The following ATRX variants were observed in gnomAD, a reference collection of about 807,000 sequenced individuals.
The protein encoded by ATRX is ATRX chromatin remodeler.
A neutral mutation model predicts 172.6 loss-of-function variants in ATRX; 12 were observed. That is an observed-to-expected ratio of 0.07 (90% CI 0.04 to 0.11). ATRX has a LOEUF of 0.11. Ranked by LOEUF, ATRX falls within the 10% of genes least tolerant of loss-of-function variation. The probability of loss-of-function intolerance (pLI) is 1.00; values close to 1 mark genes in which losing one functional copy is unlikely to be tolerated. For missense variants in ATRX, 1,368 were observed against 1,767.4 expected, an observed-to-expected ratio of 0.77 and a Z score of 4.05; for synonymous variants, 674 against 594.7, an observed-to-expected ratio of 1.13 and a Z score of -1.94.
chrX:77,778,197 A>C (rs1306299825), intron 1 of ATRX, among the ~76,000 whole-genome samples: 6 of 109,925 alleles, frequency 5.5e-5, no homozygotes, highest in African/African-American at 2.0e-4. Flanking sequence ...CCATTCACAA[A>C]GGCACATGTA....
chrX:77,535,558 T>G (rs1557048098), intron 30 of ATRX, among the ~76,000 whole-genome samples: 1 of 111,952 alleles, frequency 8.9e-6, no homozygotes, highest in African/African-American at 3.2e-5. Context: ...GGTTGCAGCT[T>G]TCCAAGTATA....
intron 1 of ATRX, among the ~76,000 whole-genome samples, chrX:77,737,065 A>G (rs1310655884): frequency 1.2e-4 from 13 of 109,261 alleles, no homozygotes; most frequent in African/African-American, 4.3e-4. Flanking sequence ...GAGAAGTGCG[A>G]GGGGGGGCAA....
intron 2 of ATRX, among the ~76,000 whole-genome samples, chrX:77,708,691 A>G (rs971285586): frequency 3.6e-4 from 40 of 110,830 alleles, no homozygotes; most frequent in Non-Finnish European, 4.9e-4. Flanking sequence ...ATAAAAATAA[A>G]AAACTCAAAA....
At chrX:77,754,434 C>T (rs145519985) in intron 1 of ATRX, among the ~76,000 whole-genome samples, 3,517 of 111,481 alleles carry the variant, frequency 0.032, 146 homozygotes, top group African/African-American at 0.11. Context: ...TTTATAGTGT[C>T]GATGGTCTTT....
intron 1 of ATRX, among the ~76,000 whole-genome samples, chrX:77,741,459 T>TTTTG (rs782206405): frequency 2.7e-5 from 3 of 109,807 alleles, no homozygotes; most frequent in Admixed American, 2.0e-4. Context: ...GATTGCTTCA[T>TTTTG]TTTGTTTGTT....
At chrX:77,723,750 A>C (rs2073891891) in intron 1 of ATRX, among the ~76,000 whole-genome samples, 1 of 111,766 alleles carries the variant, frequency 8.9e-6, no homozygotes, top group Admixed American at 9.6e-5. Flanking sequence ...AGGAATAAAT[A>C]ATGTCATACT....
At chrX:77,716,072 A>G (rs2073360430) in intron 2 of ATRX, among the ~76,000 whole-genome samples, 1 of 101,059 alleles carries the variant, frequency 9.9e-6, no homozygotes, top group Non-Finnish European at 2.0e-5. Flanking sequence ...GAAGTCCAAG[A>G]CCAGTCTGGA....
chrX:77,754,820 G>C (rs1177528022), intron 1 of ATRX, among the ~76,000 whole-genome samples: 1 of 111,200 alleles, frequency 9.0e-6, no homozygotes, highest in African/African-American at 3.3e-5. Context: ...TCTTGGGGTT[G>C]GTCTTCTCAA....
chrX:77,654,260 A>G, intron 13 of ATRX, 60 bp from the exon 14 acceptor site: 1 of 976,442 alleles, frequency 1.0e-6, no homozygotes, highest in East Asian at 3.1e-5. Context: ...TCAATAAGTT[A>G]TGTACTATTT....
At chrX:77,737,066 G>A (rs1446649091) in intron 1 of ATRX, among the ~76,000 whole-genome samples, 3 of 110,048 alleles carry the variant, frequency 2.7e-5, no homozygotes, top group African/African-American at 6.6e-5. Context: ...AGAAGTGCGA[G>A]GGGGGGCAAG....
intron 19 of ATRX, among the ~76,000 whole-genome samples, chrX:77,630,394 TC>T (rs2148323843): frequency 8.9e-6 from 1 of 112,023 alleles, no homozygotes; most frequent in African/African-American, 3.2e-5. Context: ...AAGCCAATCA[TC>T]AAATTCAAAT....
intron 2 of ATRX, among the ~76,000 whole-genome samples, chrX:77,704,772 T>A (rs2072722736): frequency 8.9e-6 from 1 of 111,827 alleles, no homozygotes; most frequent in African/African-American, 3.2e-5. Flanking sequence ...TGCCACAAGA[T>A]CAGAGCAGGT....
intron 1 of ATRX, among the ~76,000 whole-genome samples, chrX:77,754,437 T>C (rs1557189143): frequency 1.8e-5 from 2 of 112,037 alleles, no homozygotes; most frequent in African/African-American, 3.2e-5. Context: ...ATAGTGTCGA[T>C]GGTCTTTACA....
chrX:77,700,935 A>G (rs2072472353), intron 2 of ATRX, among the ~76,000 whole-genome samples: 1 of 112,802 alleles, frequency 8.9e-6, no homozygotes, highest in South Asian at 3.6e-4. Flanking sequence ...GGGCAGTGAA[A>G]CTATTCTGTA....
At chrX:77,740,424 G>A (rs1369756235) in intron 1 of ATRX, among the ~76,000 whole-genome samples, 8 of 110,997 alleles carry the variant, frequency 7.2e-5, no homozygotes, top group African/African-American at 2.3e-4. Flanking sequence ...ATCCTACAAG[G>A]GTTTTAGTAT....
intron 6 of ATRX, among the ~76,000 whole-genome samples, chrX:77,692,106 T>G (rs927945030): frequency 1.6e-4 from 18 of 111,744 alleles, no homozygotes; most frequent in African/African-American, 5.2e-4. Flanking sequence ...TATCCACATT[T>G]CAGACACTGA....
chrX:77,726,016 T>C (rs782520188), intron 1 of ATRX, among the ~76,000 whole-genome samples: 14 of 111,726 alleles, frequency 1.3e-4, no homozygotes, highest in African/African-American at 1.6e-4. Context: ...CACTTTTACA[T>C]TGTTGGTGGG....
intron 2 of ATRX, among the ~76,000 whole-genome samples, chrX:77,716,146 G>T (rs1351368236): frequency 9.5e-3 from 31 of 3,262 alleles, no homozygotes; most frequent in Non-Finnish European, 0.04. Context: ...TTTTTTTTTT[G>T]AAATTAACCA....
At chrX:77,583,386 C>T (rs1321451762) in intron 27 of ATRX, among the ~76,000 whole-genome samples, 1 of 110,198 alleles carries the variant, frequency 9.1e-6, no homozygotes, top group Non-Finnish European at 1.9e-5. Flanking sequence ...TAGTTAGGCG[C>T]GGTGGCACAC....
Sources: allele counts gnomAD v4.1 joint callset (sites outside exome capture counted in the v4.1 genomes callset), GRCh38; gene constraint gnomAD v4.1.1; transcripts MANE v1.5; gene names NCBI Gene and HGNC (gene_info 2026-07-23, HGNC 2026-07-21).